Variants in ROBO2 observed in about 807,000 individuals in gnomAD.
The protein encoded by ROBO2 is roundabout guidance receptor 2, also known as roundabout homolog 2.
ROBO2 carries 53 observed loss-of-function variants against 160.8 expected under a neutral mutation model. The observed-to-expected ratio is 0.33, with a 90% CI of 0.26 to 0.41. The LOEUF (loss-of-function observed/expected upper bound fraction) is 0.41. Among genes scored for constraint, ROBO2 ranks in the 10% least tolerant of loss-of-function variants. ROBO2 has a pLI of 1.00. For synonymous variants in ROBO2, 664 were observed against 611.7 expected (o/e 1.09, Z -1.26); for missense variants, 1,577 against 1,722.4 (o/e 0.92, Z 1.49).
intron 2 of ROBO2, among the ~76,000 whole-genome samples, chr3:76,745,801 T>A (rs1193015483): frequency 1.9e-4 from 1 of 5,338 alleles, no homozygotes; most frequent in Non-Finnish European, 4.7e-4. Context: ...AAATTTATTT[T>A]TATTTATTTA....
intron 1 of ROBO2, among the ~76,000 whole-genome samples, chr3:75,908,675 GA>G (rs890926587): frequency 7.9e-5 from 12 of 151,368 alleles, no homozygotes; most frequent in Non-Finnish European, 1.2e-4. Flanking sequence ...CATGCTATAT[GA>G]AAAAAAAGCA....
chr3:76,701,320 A>T (rs1051664992), intron 2 of ROBO2, among the ~76,000 whole-genome samples: 1 of 152,138 alleles, frequency 6.6e-6, no homozygotes, highest in Non-Finnish European at 1.5e-5. Context: ...CAAGCATTTA[A>T]TTCTAGTATA....
At chr3:76,445,162 T>C (rs757692366) in intron 2 of ROBO2, among the ~76,000 whole-genome samples, 1 of 152,170 alleles carries the variant, frequency 6.6e-6, no homozygotes, top group African/African-American at 2.4e-5. Context: ...AATAAACTTA[T>C]TTATTACATA....
chr3:77,348,712 C>T lies in ROBO2; in HGVS notation c.389-128702C>T, dbSNP rs555867110. ...CTGCCTAAAGTCAAGCAAGCACTATCTGTCACCTGAATTATGGCAAACCCC... is the reference window on the plus strand; with the variant it reads ...CTGCCTAAAGTCAAGCAAGCACTATTTGTCACCTGAATTATGGCAAACCCC... On this transcript the variant is annotated intron_variant, in intron 2 of 25. Transcript: ENST00000461745. Among the ~76,000 whole-genome samples, 5 of 152,288 alleles carry T rather than the reference C, an allele frequency of 3.3e-5. No homozygotes were observed. The South Asian group carries it at 1.0e-3, about 32-fold the overall frequency.
intron 2 of ROBO2, among the ~76,000 whole-genome samples, chr3:76,704,719 T>C (rs2093123133): frequency 6.6e-6 from 1 of 152,106 alleles, no homozygotes; most frequent in Non-Finnish European, 1.5e-5. Context: ...TTCTTGAATC[T>C]TTTTAGATGA....
chr3:76,055,819 CGCGATCTCG>C (rs1199385032), intron 2 of ROBO2, among the ~76,000 whole-genome samples: 1 of 152,008 alleles, frequency 6.6e-6, no homozygotes, highest in Non-Finnish European at 1.5e-5. Context: ...AGTGCAGTGG[CGCGATCTCG>C]GCTCACCGCA....
chr3:77,333,824 A>G (rs2066217409), intron 2 of ROBO2, among the ~76,000 whole-genome samples: 1 of 152,208 alleles, frequency 6.6e-6, no homozygotes, highest in Non-Finnish European at 1.5e-5. Flanking sequence ...ACTTTTCAGG[A>G]AGAAAATGTA....
chr3:76,843,967 G>C (rs1345649598), intron 2 of ROBO2, among the ~76,000 whole-genome samples: 1 of 151,758 alleles, frequency 6.6e-6, no homozygotes, highest in African/African-American at 2.4e-5. Flanking sequence ...AAAATAAGGT[G>C]GGATTTTTTA....
At chr3:76,659,392 A>G (rs1410375269) in intron 2 of ROBO2, among the ~76,000 whole-genome samples, 1 of 149,878 alleles carries the variant, frequency 6.7e-6, no homozygotes, top group Non-Finnish European at 1.5e-5. Context: ...TATGTAATAT[A>G]TATAATATTA....
At chr3:77,302,311 T>C (rs1296005983) in intron 2 of ROBO2, among the ~76,000 whole-genome samples, 1 of 152,132 alleles carries the variant, frequency 6.6e-6, no homozygotes, top group Non-Finnish European at 1.5e-5. Flanking sequence ...GTTGTAAAGA[T>C]TGAACTAATG....
intron 2 of ROBO2, among the ~76,000 whole-genome samples, chr3:76,166,307 G>A (rs1050809745): frequency 6.6e-6 from 1 of 152,080 alleles, no homozygotes; most frequent in Admixed American, 6.6e-5. Context: ...CAATACATGG[G>A]ACAGGGATAA....
At chr3:76,899,488 T>C (rs2075067653) in intron 2 of ROBO2, among the ~76,000 whole-genome samples, 1 of 152,178 alleles carries the variant, frequency 6.6e-6, no homozygotes, top group South Asian at 2.1e-4. Flanking sequence ...TGAATATTAT[T>C]TTACTTTGTA....
chr3:75,977,309 A>T (rs1365684584), intron 2 of ROBO2, among the ~76,000 whole-genome samples: 7 of 151,490 alleles, frequency 4.6e-5, no homozygotes, highest in Non-Finnish European at 7.4e-5. Flanking sequence ...TAAAAAGTAA[A>T]GTTGAAAAAA....
chr3:76,823,758 G>A (rs1224109030), intron 2 of ROBO2, among the ~76,000 whole-genome samples: 1 of 152,130 alleles, frequency 6.6e-6, no homozygotes, highest in Non-Finnish European at 1.5e-5. Context: ...ATTTGGATAT[G>A]ACACCAATGG....
At chr3:76,349,821 A>G (rs993820551) in intron 2 of ROBO2, among the ~76,000 whole-genome samples, 21 of 152,114 alleles carry the variant, frequency 1.4e-4, no homozygotes, top group African/African-American at 4.1e-4. Context: ...GAACACATGG[A>G]AAGATTCAGA....
intron 2 of ROBO2, among the ~76,000 whole-genome samples, chr3:76,855,163 C>T (rs1245466653): frequency 6.6e-6 from 1 of 152,182 alleles, no homozygotes; most frequent in African/African-American, 2.4e-5. Context: ...TATATGGTTT[C>T]TCATTTCTAA....
intron 2 of ROBO2, among the ~76,000 whole-genome samples, chr3:76,929,197 T>G (rs954583815): frequency 6.6e-6 from 1 of 152,050 alleles, no homozygotes; most frequent in Non-Finnish European, 1.5e-5. Flanking sequence ...GAGGCAGAGT[T>G]TGCAGTGAGC....
chr3:76,039,004 T>C (rs553886874), intron 2 of ROBO2, among the ~76,000 whole-genome samples: 1 of 152,078 alleles, frequency 6.6e-6, no homozygotes, highest in East Asian at 1.9e-4. Context: ...ATTGGTAATG[T>C]TGACAATCTT....
intron 2 of ROBO2, among the ~76,000 whole-genome samples, chr3:76,225,251 A>G (rs756607840): frequency 9.2e-5 from 14 of 152,216 alleles, no homozygotes; most frequent in Non-Finnish European, 1.8e-4. Context: ...ATGGGCTTTC[A>G]GAAGTTTATT....
Sources: gnomAD v4.1 joint callset for allele counts (sites outside exome capture counted in the v4.1 genomes callset) on GRCh38, gnomAD v4.1.1 for gene constraint, MANE v1.5 for transcripts, NCBI Gene and HGNC (gene_info 2026-07-23, HGNC 2026-07-21) for gene names.